Variants in KIF1A observed in about 807,000 individuals in gnomAD.
The protein encoded by KIF1A is kinesin-like protein KIF1A.
Under a neutral mutation model 227.3 loss-of-function variants are expected in KIF1A, and 46 were observed. The ratio of observed to expected loss-of-function variants is 0.20; its 90% CI spans 0.16 to 0.26. The LOEUF is 0.26. KIF1A is among the 10% of genes least tolerant of loss of function. KIF1A has a pLI of 1.00. For synonymous variants in KIF1A, 1,022 were observed against 1,012.8 expected, an observed-to-expected ratio of 1.01 and a Z score of -0.17; for missense variants, 1,683 against 2,485.9, an observed-to-expected ratio of 0.68 and a Z score of 6.87.
chr2:240,744,123 G>A, intron 32 of KIF1A, 63 bp from the exon 33 acceptor site: 1 of 1,124,076 alleles, frequency 8.9e-7, no homozygotes, highest in South Asian at 1.3e-5. Context: ...GGGGGAAGGA[G>A]AGTCACATCA....
At position 240,758,850 on chromosome 2, in the gene KIF1A, C is replaced by T. The variant is rs114622931; in HGVS notation, c.2445-353G>A. 8.6e-4 allele frequency among the ~76,000 whole-genome samples: 131 copies of T among 152,244 alleles called. No individual in the cohort carries two copies. Among genetic ancestry groups the T allele is most frequent in the African/African-American group, 3.0e-3 (124 of 41,532 alleles). The stretch of plus-strand genomic sequence containing the variant: ...AGAGAACCCAAGTGAAGCTCAGAAA[C>T]GGGGATCAGGCCACAGAGGCGCAAG... On this transcript the variant is annotated intron_variant, in intron 25 of 48. Coordinates refer to ENST00000498729, the MANE Select transcript of KIF1A (RefSeq NM_001244008.2). This position sits in a 1 kb window ranked among gnomAD's most constrained non-coding sequence, Gnocchi z 5.2.
intron 14 of KIF1A, among the ~76,000 whole-genome samples, chr2:240,772,271 G>A (rs1202643934): frequency 1.3e-5 from 2 of 152,146 alleles, no homozygotes; most frequent in African/African-American, 2.4e-5. Flanking sequence ...ACCTGATCTC[G>A]GCCATGTTTA....
At chr2:240,746,269 C>T in intron 29 of KIF1A, 92 bp from the exon 30 acceptor site, 7 of 1,447,174 alleles carry the variant, frequency 4.8e-6, no homozygotes, top group South Asian at 1.3e-5. Context: ...GAGGGCTGTG[C>T]CACCCAGAGC....
rs1201219730 is a variant in KIF1A, at chr2:240,745,671, C to G, written c.3374+67G>C. The G allele has an allele frequency of 1.0e-5, 16 of 1,566,214 alleles. No homozygotes were observed. The African/African-American group carries it at 2.2e-4, about 21-fold the overall frequency. ...CATGGCCTGCTCCCTGCCCAGCACC[C>G]AGGCACGGGAGCCTTGGGCACAGAG... On this transcript the variant is annotated intron_variant, in intron 31 of 48. Coordinates refer to ENST00000498729, the MANE Select transcript of KIF1A (RefSeq NM_001244008.2).
intron 38 of KIF1A, among the ~76,000 whole-genome samples, chr2:240,735,167 G>C (rs2125705786): frequency 6.6e-6 from 1 of 152,294 alleles, no homozygotes; most frequent in South Asian, 2.1e-4. Context: ...GCACGGGCAG[G>C]AGCCAAGCGA....
chr2:240,798,843 G>A (rs967544855), intron 1 of KIF1A, among the ~76,000 whole-genome samples: 7 of 152,228 alleles, frequency 4.6e-5, no homozygotes, highest in Admixed American at 2.0e-4. Context: ...AATTCATGCA[G>A]CCTGACACGA....
rs71049519 is a variant in KIF1A at position 240,766,741 on chromosome 2, T to TCACACACACACA, written c.1684+173_1684+174insTGTGTGTGTGTG. On this transcript the variant is annotated intron_variant, in intron 19 of 48. Transcript: ENST00000498729. The surrounding 1 kb of genome is among the most constrained non-coding windows in gnomAD (Gnocchi z 5.0). ...CTCCAAATCTCTCTCTCTCTCTCTC[T>TCACACACACACA]CTCTCTCTCACACACACACACACAC... Among the ~76,000 whole-genome samples, 346 of 112,508 alleles carry TCACACACACACA rather than the reference T, an allele frequency of 3.1e-3. 1 individual carries two copies. Among genetic ancestry groups the TCACACACACACA allele is most frequent in the Non-Finnish European group, 4.7e-3 (265 of 56,512 alleles). 73.8% of individuals were successfully genotyped at this position (112,508 alleles called of 152,430 possible).
At chr2:240,782,281 C>G in intron 10 of KIF1A, 1 of 853,740 alleles carries the variant, frequency 1.2e-6, no homozygotes, top group Non-Finnish European at 1.4e-6. Flanking sequence ...GGGGCTCCTC[C>G]GCGCCCCTTT....
chr2:240,731,431 C>T (rs565310993), intron 38 of KIF1A, among the ~76,000 whole-genome samples: 64 of 152,316 alleles, frequency 4.2e-4, no homozygotes, highest in Admixed American at 2.3e-3. Context: ...GGGCTGCAGC[C>T]GCTGACACAG....
rs559774342 is a variant in KIF1A at position 240,787,409 on chromosome 2, G to A, written c.364-93C>T. 9.5e-4 allele frequency: 1,041 copies of A among 1,095,702 alleles called. 2 individuals are homozygous for A. Among genetic ancestry groups the A allele is most frequent in the Non-Finnish European group, 1.3e-3 (918 of 713,290 alleles). 67.9% of individuals were successfully genotyped at this position (1,095,702 alleles called of 1,614,324 possible). On this transcript the variant is annotated intron_variant, in intron 4 of 48. Transcript: ENST00000498729. ...ATACTGTGGGCAGCCTGTGCCAGGC[G>A]GGATCCACCCTCTCAGGCCCCTCTT...
In KIF1A at chr2:240,719,650, G is replaced by A. The variant is rs2045040629; in HGVS notation, c.5021+124C>T. 2.3e-5 allele frequency: 27 copies of A among 1,175,588 alleles called. 1 individual carries two copies. In the South Asian group the frequency reaches 4.0e-4, roughly 17 times the overall value. 72.8% of individuals were successfully genotyped at this position (1,175,588 alleles called of 1,614,324 possible). A position where few individuals can be genotyped will look rare whatever the true frequency, so the allele number is the denominator to read the frequency against. On this transcript the variant is annotated intron_variant, in intron 46 of 48. Coordinates refer to ENST00000498729, the MANE Select transcript of KIF1A (RefSeq NM_001244008.2). ...GCCTGAACCTCCAGTATGGGCATCAGGCAACCTGTCTGTCTCCCCAAGTAT... is the reference window on the plus strand; with the variant it reads ...GCCTGAACCTCCAGTATGGGCATCAAGCAACCTGTCTGTCTCCCCAAGTAT...
chr2:240,728,412 G>A lies in KIF1A; in HGVS notation c.4008-1472C>T, dbSNP rs1225019329. Reference sequence around the variant, plus strand: ...ACCTAGTGTCATTTCCCAATGAAACGCTAAAGGTGGAGGCAGCCAGGACAC... The same window carrying A: ...ACCTAGTGTCATTTCCCAATGAAACACTAAAGGTGGAGGCAGCCAGGACAC... On this transcript the variant is annotated intron_variant, in intron 38 of 48. Transcript: ENST00000498729. The A allele has an allele frequency of 1.1e-5, 14 of 1,301,980 alleles. 2 individuals are homozygous for A. The highest frequency in any genetic ancestry group is 9.2e-5 in the Admixed American group (4 of 43,560). The allele number at this position is 1,301,980 out of a possible 1,614,324, so 80.7% of individuals were successfully genotyped here.
chr2:240,782,180 C>T (rs536502065), intron 10 of KIF1A: 11 of 985,284 alleles, frequency 1.1e-5, no homozygotes, highest in Non-Finnish European at 1.3e-5. Flanking sequence ...CCCGCCTCCC[C>T]CTGTGGCCCC....
At chr2:240,744,096 G>A (rs535515317) in intron 32 of KIF1A, 36 bp from the exon 33 acceptor site, 176 of 1,368,788 alleles carry the variant, frequency 1.3e-4, no homozygotes, top group Middle Eastern at 3.6e-4. Flanking sequence ...AGGAGGGCAC[G>A]GCCAGGTCAC....
intron 45 of KIF1A, 109 bp from the exon 46 acceptor site, chr2:240,720,035 C>A (rs1378381044): frequency 7.1e-6 from 8 of 1,122,548 alleles, no homozygotes; most frequent in Non-Finnish European, 9.7e-6. Context: ...AGTAGGGCAC[C>A]TTCGCAGGGT....
At chr2:240,731,180 C>T (rs1202036081) in intron 38 of KIF1A, among the ~76,000 whole-genome samples, 1 of 152,154 alleles carries the variant, frequency 6.6e-6, no homozygotes, top group Admixed American at 6.5e-5. Flanking sequence ...CAGGAAGGTG[C>T]CTGGAGGAGG....
chr2:240,786,756 GA>G lies in KIF1A; in HGVS notation c.430-244del, dbSNP rs138509440. ...GGCTGCCTGCTGGGCCCCTGAGTGA[GA>G]GGGTAGGGGCCACCATCAGGACCCC... On this transcript the variant is annotated intron_variant, in intron 5 of 48. Transcript: ENST00000498729. Among the ~76,000 whole-genome samples, 14,603 of 57,104 alleles carry G rather than the reference GA, an allele frequency of 0.26. 521 individuals carry two copies. The highest frequency in any genetic ancestry group is 0.36 in the African/African-American group (5,542 of 15,270). The allele number at this position is 57,104 out of a possible 152,430, so 37.5% of individuals were successfully genotyped here.
Position 240,718,987 on chromosome 2 carries a change from GAGCCGGGCCC to G in KIF1A, c.5214+9_5214+18del. 1.3e-6 allele frequency: 2 copies of G among 1,589,852 alleles called. No homozygotes were observed. The highest frequency in any genetic ancestry group is 1.7e-6 in the Non-Finnish European group (2 of 1,162,244). ...GCTAGGGTTCCTGGTGCCCGAGCCT[GAGCCGGGCCC>G]AGCCGCACCTTGAGCATAGCCTGCT... On this transcript the variant is annotated intron_variant, in intron 47 of 48. Transcript: ENST00000498729.
chr2:240,779,564 ACTCAGTTC>A (rs780545226), intron 10 of KIF1A, among the ~76,000 whole-genome samples: 15 of 140,380 alleles, frequency 1.1e-4, no homozygotes, highest in Non-Finnish European at 1.5e-4. Flanking sequence ...TCAGTTCCTC[ACTCAGTTC>A]CTCAGTTCCT....
Sources: allele counts gnomAD v4.1 joint callset (sites outside exome capture counted in the v4.1 genomes callset), GRCh38; gene constraint gnomAD v4.1.1; non-coding constraint Gnocchi (gnomAD v3.1); transcripts MANE v1.5; gene names NCBI Gene and HGNC (gene_info 2026-07-23, HGNC 2026-07-21).